PDE1C: variants seen among roughly 807,000 people sequenced by gnomAD.
PDE1C encodes phosphodiesterase 1C, also known as dual specificity calcium/calmodulin-dependent 3',5'-cyclic nucleotide phosphodiesterase 1C.
A neutral mutation model predicts 93.1 loss-of-function variants in PDE1C; 62 were observed. That is an observed-to-expected ratio of 0.67 (90% CI 0.54 to 0.82). The LOEUF (loss-of-function observed/expected upper bound fraction) is 0.82. Ranked by LOEUF, PDE1C falls within the 40% of genes least tolerant of loss-of-function variation. PDE1C has a pLI of 0.00. For missense variants in PDE1C, 742 were observed against 884.6 expected, an observed-to-expected ratio of 0.84 and a Z score of 2.04; for synonymous variants, 325 against 310.1, an observed-to-expected ratio of 1.05 and a Z score of -0.50.
At chr7:31,990,323 A>G (rs1784004687) in intron 2 of PDE1C, among the ~76,000 whole-genome samples, 1 of 152,222 alleles carries the variant, frequency 6.6e-6, no homozygotes, top group Admixed American at 6.5e-5. Context: ...GTTCCCCCAC[A>G]TAAGCTTTCT....
At chr7:32,088,289 TA>T (rs1797247267) in intron 3 of PDE1C, among the ~76,000 whole-genome samples, 1 of 152,230 alleles carries the variant, frequency 6.6e-6, no homozygotes, top group Admixed American at 6.5e-5. Flanking sequence ...GACTTTTTTT[TA>T]ATACCAGTTA....
chr7:32,208,889 G>A (rs1273427248), intron 2 of PDE1C, among the ~76,000 whole-genome samples: 7 of 152,146 alleles, frequency 4.6e-5, no homozygotes. Context: ...ACAGCCCTAG[G>A]AATATCCCCA....
At chr7:32,135,890 T>A (rs1800177240) in intron 3 of PDE1C, among the ~76,000 whole-genome samples, 1 of 152,202 alleles carries the variant, frequency 6.6e-6, no homozygotes, top group African/African-American at 2.4e-5. Context: ...AGAGGATGAA[T>A]GAATAAAGAA....
At chr7:32,341,817 T>TG (rs1783764319) in intron 1 of PDE1C, among the ~76,000 whole-genome samples, 1 of 152,228 alleles carries the variant, frequency 6.6e-6, no homozygotes, top group Admixed American at 6.5e-5. Flanking sequence ...GCTTGGTGGT[T>TG]GGGCTCAAGA....
At chr7:32,213,861 T>C (rs528154398) in intron 1 of PDE1C, among the ~76,000 whole-genome samples, 1 of 152,308 alleles carries the variant, frequency 6.6e-6, no homozygotes. Context: ...CATGTGTATA[T>C]AGGCACAGAG....
the PDE1C span, among the ~76,000 whole-genome samples, chr7:31,633,887 CT>C: frequency 1.3e-5 from 2 of 152,236 alleles, no homozygotes; most frequent in African/African-American, 2.4e-5. Context: ...ATCACCTCTG[CT>C]TTTTCTCCCT....
chr7:31,914,380 G>A (rs1261543699), intron 2 of PDE1C, among the ~76,000 whole-genome samples: 1 of 152,182 alleles, frequency 6.6e-6, no homozygotes, highest in East Asian at 1.9e-4. Context: ...GAAGAACTTA[G>A]TGATTCTACA....
chr7:32,298,527 A>C (rs367838519), intron 1 of PDE1C: 31 of 1,187,978 alleles, frequency 2.6e-5, no homozygotes, highest in Admixed American at 1.1e-4. Context: ...TCCCGCCCGG[A>C]GAGCACCCTC....
chr7:32,011,498 A>G (rs1370562959), intron 2 of PDE1C, among the ~76,000 whole-genome samples: 1 of 152,196 alleles, frequency 6.6e-6, no homozygotes, highest in Non-Finnish European at 1.5e-5. Context: ...AGCCAAATTA[A>G]CAAATTTTAA....
At chr7:32,161,307 G>A (rs184427387) in intron 3 of PDE1C, among the ~76,000 whole-genome samples, 1 of 152,248 alleles carries the variant, frequency 6.6e-6, no homozygotes, top group Non-Finnish European at 1.5e-5. Context: ...GCCCAGTTGT[G>A]GAGGTATCCA....
chr7:31,624,909 C>G, the PDE1C span, among the ~76,000 whole-genome samples: 4 of 152,106 alleles, frequency 2.6e-5, no homozygotes, highest in African/African-American at 9.7e-5. Context: ...CTACAATGAA[C>G]TCAAACAAAT....
intron 2 of PDE1C, among the ~76,000 whole-genome samples, chr7:31,970,119 G>A (rs1170906352): frequency 1.3e-5 from 2 of 152,156 alleles, no homozygotes; most frequent in Admixed American, 1.3e-4. Context: ...TTGTGCACAT[G>A]TACCCTAAAA....
intron 2 of PDE1C, among the ~76,000 whole-genome samples, chr7:32,196,178 G>A (rs1398785474): frequency 6.6e-6 from 1 of 152,190 alleles, no homozygotes; most frequent in East Asian, 1.9e-4. Flanking sequence ...ATGCCAGCAA[G>A]GGTGTTGAGA....
intron 1 of PDE1C, among the ~76,000 whole-genome samples, chr7:32,364,456 G>A (rs377540134): frequency 2.6e-5 from 4 of 152,142 alleles, no homozygotes; most frequent in East Asian, 3.9e-4. Flanking sequence ...TCCTCCACAC[G>A]GATAAGATCT....
At chr7:32,022,728 T>C (rs112242829) in intron 2 of PDE1C, among the ~76,000 whole-genome samples, 5 of 152,124 alleles carry the variant, frequency 3.3e-5, no homozygotes, top group African/African-American at 1.2e-4. Flanking sequence ...ATTATTCCTA[T>C]TGCAAATTAC....
intron 2 of PDE1C, among the ~76,000 whole-genome samples, chr7:32,004,351 GCTAC>G (rs1785893381): frequency 6.6e-6 from 1 of 152,134 alleles, no homozygotes; most frequent in Non-Finnish European, 1.5e-5. Context: ...GGAGGAGTGA[GCTAC>G]AAAGGCCTGG....
At chr7:31,745,774 G>C in the PDE1C span, among the ~76,000 whole-genome samples, 2 of 152,232 alleles carry the variant, frequency 1.3e-5, no homozygotes, top group Non-Finnish European at 2.9e-5. Context: ...GTCACTTCAT[G>C]AGAAACTTTG....
intron 2 of PDE1C, among the ~76,000 whole-genome samples, chr7:32,020,408 T>G (rs1235978861): frequency 6.6e-6 from 1 of 152,042 alleles, no homozygotes; most frequent in Non-Finnish European, 1.5e-5. Context: ...AAAAAAAATT[T>G]TTTTAAGGGA....
chr7:32,014,098 C>T (rs1787535230), intron 2 of PDE1C, among the ~76,000 whole-genome samples: 1 of 152,190 alleles, frequency 6.6e-6, no homozygotes, highest in Admixed American at 6.5e-5. Context: ...AGAGACTGGT[C>T]GGGATAGCAC....
Sources: allele counts gnomAD v4.1 joint callset (sites outside exome capture counted in the v4.1 genomes callset), GRCh38; gene constraint gnomAD v4.1.1; transcripts MANE v1.5; gene names NCBI Gene and HGNC (gene_info 2026-07-23, HGNC 2026-07-21).